Variants in HNMT observed in about 807,000 individuals in gnomAD.
The protein encoded by HNMT is histamine N-methyltransferase.
Under a neutral mutation model 32.1 loss-of-function variants are expected in HNMT, and 30 were observed. The ratio of observed to expected loss-of-function variants is 0.93; its 90% CI spans 0.70 to 1.27. The LOEUF is 1.27. Ranked by LOEUF, HNMT falls within the 50% of genes most tolerant of loss-of-function variation. The probability of loss-of-function intolerance (pLI) is 0.00; values close to 1 mark genes in which losing one functional copy is unlikely to be tolerated. For missense variants in HNMT, 327 were observed against 346.0 expected (o/e 0.95, Z 0.43); for synonymous variants, 125 against 119.0 (o/e 1.05, Z -0.33).
intron 2 of HNMT, among the ~76,000 whole-genome samples, chr2:137,995,725 T>A (rs1264313521): frequency 1.3e-5 from 2 of 152,030 alleles, no homozygotes; most frequent in East Asian, 3.9e-4. Context: ...AAAAGGAAAC[T>A]TCAGGCCAGT....
chr2:138,013,209 G>A (rs1414691156), intron 5 of HNMT, among the ~76,000 whole-genome samples: 4 of 152,144 alleles, frequency 2.6e-5, no homozygotes, highest in East Asian at 1.9e-4. Context: ...TGCAGATATC[G>A]AACGTGTCCA....
At chr2:138,008,260 A>G (rs571004653) in intron 5 of HNMT, among the ~76,000 whole-genome samples, 32 of 151,908 alleles carry the variant, frequency 2.1e-4, no homozygotes, top group Non-Finnish European at 3.5e-4. Flanking sequence ...CTGTTTCTGC[A>G]TTAGTTTTTT....
chr2:137,997,965 C>T (rs922570358), intron 2 of HNMT, among the ~76,000 whole-genome samples: 3 of 152,048 alleles, frequency 2.0e-5, no homozygotes, highest in South Asian at 2.1e-4. Flanking sequence ...GGCAGTTGAA[C>T]GATGAGAGCA....
intron 2 of HNMT, among the ~76,000 whole-genome samples, chr2:137,984,593 C>A (rs1239739722): frequency 6.6e-6 from 1 of 152,136 alleles, no homozygotes; most frequent in East Asian, 1.9e-4. Flanking sequence ...GACATTATAG[C>A]ATGCAAAATT....
chr2:137,970,202 A>G lies in HNMT; in HGVS notation c.175A>G (p.Ile59Val). 1 of 1,576,016 alleles carries G rather than the reference A, an allele frequency of 6.3e-7. No homozygotes were observed. The highest frequency in any genetic ancestry group is 8.7e-7 in the Non-Finnish European group (1 of 1,151,036). ...AAAATCAGAAATTAAGATTCTAAGC[A>G]TAGGCGGAGGTGCAGGTATGAGTAA... ...DTKSEIKILS[I>V]GGGAGEIDLQ... Residue 59 changes from isoleucine to valine, a missense_variant, in exon 2 of 6, where the codon ATA becomes GTA. Transcript: ENST00000280097.
Position 138,014,933 on chromosome 2 carries a change from G to A in HNMT, c.*803G>A, listed in dbSNP as rs1426075394. The A allele has an allele frequency of 6.6e-6, 1 of 151,876 alleles. No individual in the cohort carries two copies. The highest frequency in any genetic ancestry group is 1.5e-5 in the Non-Finnish European group (1 of 67,946). The allele number at this position is 151,876 out of a possible 1,614,324, so 9.4% of individuals were successfully genotyped here. A position where few individuals can be genotyped will look rare whatever the true frequency, so the allele number is the denominator to read the frequency against. On this transcript the variant is annotated 3_prime_UTR_variant, in exon 6 of 6. Transcript: ENST00000280097. ...TAAGTATAAACAGTGAGAACAAACT[G>A]TTTCCCCTCAAAATAATAGCCAGAT...
Position 137,972,144 on chromosome 2 carries a change from G to A in HNMT, c.190+1927G>A, listed in dbSNP as rs1573642921. Among the ~76,000 whole-genome samples, 3 of 151,986 alleles carry A rather than the reference G, an allele frequency of 2.0e-5. No homozygotes were observed. In the South Asian group the frequency reaches 6.2e-4, roughly 32 times the overall value. On this transcript the variant is annotated intron_variant, in intron 2 of 5. Transcript: ENST00000280097. Reference sequence around the variant, plus strand: ...TTTTGAGATGGAGTCTCGCTCTGTTGCCCAGGCTAGAGTACAGTGGCATGA... The same window carrying A: ...TTTTGAGATGGAGTCTCGCTCTGTTACCCAGGCTAGAGTACAGTGGCATGA...
At position 138,001,037 on chromosome 2, in the gene HNMT, T is replaced by A. The variant is rs755388542; in HGVS notation, c.298+12T>A. 1 of 1,420,548 alleles carries A rather than the reference T, an allele frequency of 7.0e-7. No homozygotes were observed. Among genetic ancestry groups the A allele is most frequent in the Non-Finnish European group, 9.9e-7 (1 of 1,013,368 alleles). The allele number at this position is 1,420,548 out of a possible 1,614,324, so 88.0% of individuals were successfully genotyped here. On this transcript the variant is annotated intron_variant, in intron 3 of 5. Transcript: ENST00000280097. ...TGCCAAATACAAAGGTACCTGTAAC[T>A]CCTGGTCCTCTACACCAGATCCTAT...
chr2:137,973,544 T>C (rs1257547480), intron 2 of HNMT, among the ~76,000 whole-genome samples: 1 of 152,222 alleles, frequency 6.6e-6, no homozygotes, highest in African/African-American at 2.4e-5. Flanking sequence ...GCTCCTGTAA[T>C]GTATCTCATA....
intron 5 of HNMT, among the ~76,000 whole-genome samples, chr2:138,007,136 A>G (rs1375427970): frequency 6.6e-6 from 1 of 151,976 alleles, no homozygotes; most frequent in Non-Finnish European, 1.5e-5. Context: ...CCTTTACCAT[A>G]TCACTTCTTC....
chr2:138,009,937 C>T (rs1156594441), intron 5 of HNMT, among the ~76,000 whole-genome samples: 1 of 152,048 alleles, frequency 6.6e-6, no homozygotes, highest in Non-Finnish European at 1.5e-5. Flanking sequence ...CAGATTGAAA[C>T]ATTTCCTAAA....
At chr2:138,002,308 A>T (rs1488570908) in intron 4 of HNMT, 114 bp downstream of exon 4, 1 of 1,117,910 alleles carries the variant, frequency 8.9e-7, no homozygotes, top group African/African-American at 1.6e-5. Flanking sequence ...TCTGATTTCT[A>T]ATTTTACAAG....
intron 5 of HNMT, among the ~76,000 whole-genome samples, chr2:138,007,322 A>G (rs1362283103): frequency 1.3e-5 from 2 of 152,052 alleles, no homozygotes; most frequent in Non-Finnish European, 2.9e-5. Context: ...AAGAAAATAA[A>G]TAAATTAAAT....
At chr2:138,012,932 C>T (rs1214787058) in intron 5 of HNMT, among the ~76,000 whole-genome samples, 1 of 152,100 alleles carries the variant, frequency 6.6e-6, no homozygotes, top group East Asian at 1.9e-4. Flanking sequence ...CAGTAGCCTT[C>T]TCGCTGTTCT....
rs1553488687 is a variant in HNMT at position 137,973,779 on chromosome 2, T to TG, written c.190+3571dup. Among the ~76,000 whole-genome samples, 1,292 of 148,394 alleles carry TG rather than the reference T, an allele frequency of 8.7e-3. 15 individuals carry two copies. The highest frequency in any genetic ancestry group is 0.017 in the Middle Eastern group (5 of 292). ...ACCACTTAATTCTCATGGTTTTTTT[T>TG]GGGGGGGGGTGGTCTATTTGATTTT... On this transcript the variant is annotated intron_variant, in intron 2 of 5. Transcript: ENST00000280097.
chr2:137,970,263 A>G, intron 2 of HNMT, 46 bp downstream of exon 2: 2 of 1,037,180 alleles, frequency 1.9e-6, no homozygotes, highest in South Asian at 1.6e-5. Context: ...TTTAACCATT[A>G]TGCTGTGTGA....
At chr2:137,967,057 T>C (rs1168866830) in intron 1 of HNMT, 1 of 780,182 alleles carries the variant, frequency 1.3e-6, no homozygotes, top group Non-Finnish European at 2.4e-6. Context: ...AAAATGGTTT[T>C]GTATAATAGA....
chr2:138,005,613 G>T (rs535099555), intron 5 of HNMT, among the ~76,000 whole-genome samples: 2 of 152,046 alleles, frequency 1.3e-5, no homozygotes, highest in East Asian at 1.9e-4. Flanking sequence ...ATAAATAAAG[G>T]TTAAACTATT....
At chr2:138,006,084 T>C (rs942637585) in intron 5 of HNMT, among the ~76,000 whole-genome samples, 3 of 151,984 alleles carry the variant, frequency 2.0e-5, no homozygotes, top group Admixed American at 1.3e-4. Flanking sequence ...ATGTGAAAGT[T>C]TGGCAATAGA....
Sources: gnomAD v4.1 joint callset for allele counts (sites outside exome capture counted in the v4.1 genomes callset) on GRCh38, gnomAD v4.1.1 for gene constraint, MANE v1.5 for transcripts, NCBI Gene and HGNC (gene_info 2026-07-23, HGNC 2026-07-21) for gene names.